Variants in SLC25A13 observed in about 807,000 individuals in gnomAD.
SLC25A13 encodes solute carrier family 25 member 13.
In SLC25A13, 70 loss-of-function variants were observed where a neutral mutation model predicts 85.5. The observed-to-expected ratio is 0.82, with a 90% CI of 0.68 to 1.00. The LOEUF (loss-of-function observed/expected upper bound fraction) is 1.00. Ranked by LOEUF, SLC25A13 falls within the 50% of genes least tolerant of loss-of-function variation. The pLI, the probability that SLC25A13 is intolerant of heterozygous loss-of-function variation, is 0.00. For missense variants in SLC25A13, 765 were observed against 819.8 expected (o/e 0.93, Z 0.82); for synonymous variants, 259 against 288.7 (o/e 0.90, Z 1.04).
chr7:96,157,135 T>C (rs542533684), intron 13 of SLC25A13, among the ~76,000 whole-genome samples: 1 of 152,258 alleles, frequency 6.6e-6, no homozygotes, highest in South Asian at 2.1e-4. Context: ...GGACTGTGAC[T>C]ACAACCATGT....
At chr7:96,179,484 T>A (rs1794341221) in intron 11 of SLC25A13, among the ~76,000 whole-genome samples, 1 of 152,232 alleles carries the variant, frequency 6.6e-6, no homozygotes, top group Admixed American at 6.5e-5. Flanking sequence ...CCACCTTAGA[T>A]CCAGTGTGTG....
intron 15 of SLC25A13, among the ~76,000 whole-genome samples, chr7:96,126,075 G>T (rs1419873968): frequency 6.6e-6 from 1 of 152,038 alleles, no homozygotes; most frequent in East Asian, 1.9e-4. Flanking sequence ...AAGTTCAAAG[G>T]ATAGGCTGAT....
intron 13 of SLC25A13, chr7:96,166,979 C>G (rs1336851315): frequency 1.3e-5 from 2 of 152,190 alleles, no homozygotes; most frequent in South Asian, 4.1e-4. Context: ...AACTACAACC[C>G]TAATTTAGAA....
intron 14 of SLC25A13, among the ~76,000 whole-genome samples, chr7:96,139,274 A>C (rs1444271818): frequency 6.6e-6 from 1 of 152,196 alleles, no homozygotes; most frequent in Non-Finnish European, 1.5e-5. Flanking sequence ...TATGCTCACT[A>C]CCTGGGTAAC....
chr7:96,290,215 A>T (rs1265483493), intron 2 of SLC25A13, among the ~76,000 whole-genome samples: 2 of 152,192 alleles, frequency 1.3e-5, no homozygotes, highest in African/African-American at 4.8e-5. Context: ...CTTTACAGAC[A>T]AGCAAATGCT....
intron 11 of SLC25A13, among the ~76,000 whole-genome samples, chr7:96,174,829 T>C (rs144022241): frequency 8.5e-4 from 130 of 152,340 alleles, no homozygotes; most frequent in African/African-American, 2.9e-3. Context: ...TAATGCATTG[T>C]GAACGGCAAA....
At chr7:96,290,162 A>G (rs1365500152) in intron 2 of SLC25A13, among the ~76,000 whole-genome samples, 1 of 152,236 alleles carries the variant, frequency 6.6e-6, no homozygotes, top group Non-Finnish European at 1.5e-5. Flanking sequence ...AGAATTTCAT[A>G]TCCAGCCAAA....
intron 14 of SLC25A13, among the ~76,000 whole-genome samples, chr7:96,139,105 T>A (rs1292046499): frequency 6.6e-6 from 1 of 152,248 alleles, no homozygotes; most frequent in African/African-American, 2.4e-5. Flanking sequence ...CTATCCTGTA[T>A]GCTTTACATG....
At position 96,258,090 on chromosome 7, in the gene SLC25A13, C is replaced by T. The variant is rs565755248; in HGVS notation, c.212+19106G>A. Among the ~76,000 whole-genome samples, 49 of 152,146 alleles carry T rather than the reference C, an allele frequency of 3.2e-4. No individual in the cohort carries two copies. In the South Asian group the frequency reaches 5.8e-3, roughly 18 times the overall value. The stretch of plus-strand genomic sequence containing the variant: ...TCTCAAAAAGAATAAGAGCTATTTA[C>T]GACAAACGGACAGCCAATATCATAC... On this transcript the variant is annotated intron_variant, in intron 3 of 17. Coordinates refer to ENST00000265631, the MANE Select transcript of SLC25A13 (RefSeq NM_014251.3).
chr7:96,295,918 T>A (rs530292318), intron 2 of SLC25A13, among the ~76,000 whole-genome samples: 1 of 151,832 alleles, frequency 6.6e-6, no homozygotes, highest in African/African-American at 2.4e-5. Context: ...GTGTGTATAT[T>A]ATCTTACAAA....
intron 5 of SLC25A13, among the ~76,000 whole-genome samples, chr7:96,203,466 C>A (rs541798468): frequency 7.2e-5 from 11 of 152,144 alleles, no homozygotes; most frequent in Admixed American, 7.2e-4. Flanking sequence ...TAATCTTGAA[C>A]AAATCCAGAA....
chr7:96,152,085 C>T (rs1358511231), intron 13 of SLC25A13, among the ~76,000 whole-genome samples: 3 of 152,168 alleles, frequency 2.0e-5, no homozygotes, highest in Non-Finnish European at 4.4e-5. Context: ...TGGCTGGATG[C>T]CAGCGGCACA....
chr7:96,130,938 AAAGCTGGGAG>A lies in SLC25A13; in HGVS notation c.1591+795_1591+804del, dbSNP rs201530812. Among the ~76,000 whole-genome samples the A allele has an allele frequency of 7.2e-3, 1,093 of 152,326 alleles. 19 individuals are homozygous for A. The highest frequency in any genetic ancestry group is 0.025 in the African/African-American group (1,039 of 41,566). The stretch of plus-strand genomic sequence containing the variant: ...TGCACAAAACAGCAAACAACTTCTC[AAAGCTGGGAG>A]TTGTTCTTATGCTATCTTTGAGAAA... On this transcript the variant is annotated intron_variant, in intron 15 of 17. Coordinates refer to ENST00000265631, the MANE Select transcript of SLC25A13 (RefSeq NM_014251.3).
chr7:96,219,278 G>T (rs1796012727), intron 4 of SLC25A13, among the ~76,000 whole-genome samples: 1 of 152,158 alleles, frequency 6.6e-6, no homozygotes, highest in South Asian at 2.1e-4. Flanking sequence ...TTCTGAACAT[G>T]TAGGTACAGT....
chr7:96,320,796 A>C lies in SLC25A13; in HGVS notation c.15+1146T>G, dbSNP rs920782064. 3.3e-5 allele frequency among the ~76,000 whole-genome samples: 5 copies of C among 152,350 alleles called. 1 individual carries two copies. Among genetic ancestry groups the C allele is most frequent in the Admixed American group, 3.3e-4 (5 of 15,312 alleles). On this transcript the variant is annotated intron_variant, in intron 1 of 17. Coordinates refer to ENST00000265631, the MANE Select transcript of SLC25A13 (RefSeq NM_014251.3). ...GATTTGGGGAGCCTGGAGAGACTTA[A>C]GTCATAGAACAGCATTTAAATATAT...
At chr7:96,172,068 TG>T (rs1315887270) in intron 11 of SLC25A13, among the ~76,000 whole-genome samples, 1 of 152,092 alleles carries the variant, frequency 6.6e-6, no homozygotes, top group Non-Finnish European at 1.5e-5. Context: ...TATTCTTCAT[TG>T]GAAGTACAAT....
intron 12 of SLC25A13, among the ~76,000 whole-genome samples, chr7:96,170,777 AG>A: frequency 6.6e-6 from 1 of 152,346 alleles, no homozygotes; most frequent in South Asian, 2.1e-4. Context: ...CAGGCTCCAA[AG>A]CTACGCAGCC....
At chr7:96,201,090 A>G (rs1377596038) in intron 5 of SLC25A13, among the ~76,000 whole-genome samples, 7 of 152,166 alleles carry the variant, frequency 4.6e-5, no homozygotes, top group Non-Finnish European at 8.8e-5. Flanking sequence ...GAGAACACCA[A>G]ATGATGCTGT....
At chr7:96,168,382 G>A (rs28717695) in intron 13 of SLC25A13, among the ~76,000 whole-genome samples, 1 of 152,104 alleles carries the variant, frequency 6.6e-6, no homozygotes, top group African/African-American at 2.4e-5. Flanking sequence ...TAGCTGTAAA[G>A]CCTAAGTGGC....
Sources: allele counts gnomAD v4.1 joint callset (sites outside exome capture counted in the v4.1 genomes callset), GRCh38; gene constraint gnomAD v4.1.1; transcripts MANE v1.5; gene names NCBI Gene and HGNC (gene_info 2026-07-23, HGNC 2026-07-21).